Variants in TEX9 observed in about 807,000 individuals in gnomAD.
TEX9 encodes the protein testis expressed 9, also known as testis-expressed protein 9.
In TEX9, 74 loss-of-function variants were observed where a neutral mutation model predicts 59.6. The ratio of observed to expected loss-of-function variants is 1.24; its 90% CI spans 1.03 to 1.51. The LOEUF is 1.51. TEX9 is among the 40% of genes most tolerant of loss of function. The pLI is 0.00. For synonymous variants in TEX9, 186 were observed against 152.2 expected, an observed-to-expected ratio of 1.22 and a Z score of -1.64; for missense variants, 522 against 447.8, an observed-to-expected ratio of 1.17 and a Z score of -1.49.
intron 1 of TEX9, among the ~76,000 whole-genome samples, chr15:56,341,510 A>G (rs190812119): frequency 6.6e-6 from 1 of 152,250 alleles, no homozygotes; most frequent in African/African-American, 2.4e-5. Context: ...CCCCATACCT[A>G]ATACTGATGT....
intron 10 of TEX9, among the ~76,000 whole-genome samples, chr15:56,425,805 C>T (rs1343748272): frequency 6.6e-5 from 10 of 151,966 alleles, no homozygotes; most frequent in East Asian, 5.8e-4. Flanking sequence ...CATTGAAAAA[C>T]GGGTGTTTGA....
intron 12 of TEX9, chr15:56,444,616 CCTTT>C (rs749434250): frequency 4.3e-6 from 7 of 1,613,084 alleles, no homozygotes; most frequent in Non-Finnish European, 5.1e-6. Flanking sequence ...GCATTCTCTT[CCTTT>C]ATTATTCTCT....
intron 12 of TEX9, among the ~76,000 whole-genome samples, chr15:56,440,536 T>C (rs1159437453): frequency 1.3e-5 from 2 of 152,148 alleles, no homozygotes; most frequent in African/African-American, 4.8e-5. Context: ...TCAGATTTAC[T>C]CATCAGAGCT....
At chr15:56,257,935 A>G (rs2044180284) in intron 1 of TEX9, among the ~76,000 whole-genome samples, 1 of 152,118 alleles carries the variant, frequency 6.6e-6, no homozygotes, top group Non-Finnish European at 1.5e-5. Context: ...TTTACATTGA[A>G]GTCTTTAATC....
rs796459070 is a variant in TEX9, at chr15:56,272,914, CTTTA to C, written c.-107+28660_-107+28663del. The stretch of plus-strand genomic sequence containing the variant: ...GTCTGCTCTTGAATTGGTGGGGGTT[CTTTA>C]TTTATTTATTTATTTATTTATTTTT... On this transcript the variant is annotated intron_variant, in intron 1 of 5. Transcript: ENST00000560827. Among the ~76,000 whole-genome samples, 688 of 110,034 alleles carry C rather than the reference CTTTA, an allele frequency of 6.3e-3. 12 individuals are homozygous for C. The highest frequency in any genetic ancestry group is 0.018 in the African/African-American group (671 of 36,766). The allele number at this position is 110,034 out of a possible 152,430, so 72.2% of individuals were successfully genotyped here.
At chr15:56,438,883 A>G (rs1205600800) in intron 12 of TEX9, among the ~76,000 whole-genome samples, 1 of 151,972 alleles carries the variant, frequency 6.6e-6, no homozygotes, top group Non-Finnish European at 1.5e-5. Flanking sequence ...AACAGACAAG[A>G]ACAGGAAAGG....
intron 3 of TEX9, among the ~76,000 whole-genome samples, chr15:56,378,936 C>T (rs923454110): frequency 2.0e-5 from 3 of 151,614 alleles, no homozygotes; most frequent in Non-Finnish European, 4.4e-5. Context: ...TGGTGGTGCA[C>T]GCCTGTAGTC....
chr15:56,260,323 G>A (rs73411535), intron 1 of TEX9, among the ~76,000 whole-genome samples: 5,408 of 152,024 alleles, frequency 0.036, 346 homozygotes, highest in African/African-American at 0.12. Context: ...CAGGAAGAAA[G>A]CATTCCATAT....
At chr15:56,359,555 C>G (rs1213822412) in intron 1 of TEX9, among the ~76,000 whole-genome samples, 1 of 152,068 alleles carries the variant, frequency 6.6e-6, no homozygotes, top group African/African-American at 2.4e-5. Flanking sequence ...CTTTTTAAGG[C>G]TGAATATTAT....
chr15:56,410,049 G>A (rs1397189624), intron 9 of TEX9: 2 of 152,146 alleles, frequency 1.3e-5, no homozygotes, highest in Admixed American at 6.5e-5. Flanking sequence ...ATATAGAATA[G>A]TATCCTGCAT....
chr15:56,342,362 T>C (rs1459990369), intron 1 of TEX9, among the ~76,000 whole-genome samples: 1 of 152,144 alleles, frequency 6.6e-6, no homozygotes, highest in Non-Finnish European at 1.5e-5. Context: ...TCTACTCAGT[T>C]TTTGAAAATT....
chr15:56,428,320 C>A lies in TEX9; in HGVS notation c.1099-47C>A, dbSNP rs553653576. ...TTACAAACTTCCTGTTGTTTGGTGG[C>A]CTACTCTTAATACTAAATCAGACAA... is the stretch of plus-strand genomic sequence containing the variant. On this transcript the variant is annotated intron_variant, in intron 11 of 12. Coordinates refer to ENST00000352903, the Ensembl canonical transcript of TEX9. 3.6e-6 allele frequency: 5 copies of A among 1,389,126 alleles called. No individual in the cohort carries two copies. In the African/African-American group the frequency reaches 5.7e-5, roughly 16 times the overall value. 86.1% of individuals were successfully genotyped at this position (1,389,126 alleles called of 1,614,324 possible). A position where few individuals can be genotyped will look rare whatever the true frequency, so the allele number is the denominator to read the frequency against.
intron 1 of TEX9, among the ~76,000 whole-genome samples, chr15:56,270,873 T>A (rs1288658555): frequency 6.6e-6 from 1 of 152,216 alleles, no homozygotes; most frequent in Admixed American, 6.5e-5. Context: ...GTAAAGGATT[T>A]TATTTCTCCT....
Position 56,373,514 on chromosome 15 carries a change from T to C in TEX9, c.183+10T>C. 1 of 1,533,602 alleles carries C rather than the reference T, an allele frequency of 6.5e-7. No individual in the cohort carries two copies. The allele number at this position is 1,533,602 out of a possible 1,614,324, so 95.0% of individuals were successfully genotyped here. A position where few individuals can be genotyped will look rare whatever the true frequency, so the allele number is the denominator to read the frequency against. On this transcript the variant is annotated intron_variant, in intron 3 of 12. Coordinates refer to ENST00000352903, the Ensembl canonical transcript of TEX9. ...AGCTAAGGAAATAATAGTAAGTATA[T>C]GTACAATTATTAATAATTCTATATA... is the stretch of plus-strand genomic sequence containing the variant.
intron 1 of TEX9, among the ~76,000 whole-genome samples, chr15:56,273,534 T>C (rs937419028): frequency 4.6e-5 from 7 of 152,220 alleles, no homozygotes; most frequent in African/African-American, 1.7e-4. Flanking sequence ...GGCTATCTTT[T>C]AGAGCAATTA....
At chr15:56,278,530 T>C (rs1567071369) in intron 1 of TEX9, among the ~76,000 whole-genome samples, 2 of 152,244 alleles carry the variant, frequency 1.3e-5, no homozygotes, top group African/African-American at 2.4e-5. Context: ...ATTTCTTTCC[T>C]TGGGAAATTT....
chr15:56,290,176 A>G (rs1464561311), intron 1 of TEX9, among the ~76,000 whole-genome samples: 1 of 151,826 alleles, frequency 6.6e-6, no homozygotes, highest in Non-Finnish European at 1.5e-5. Context: ...TTTTTTTCCA[A>G]TGTAGTTCAA....
intron 10 of TEX9, among the ~76,000 whole-genome samples, chr15:56,426,632 C>T (rs1232566538): frequency 5.9e-4 from 39 of 66,484 alleles, no homozygotes; most frequent in Non-Finnish European, 1.2e-3. Context: ...TATATACACA[C>T]ACACAAACAC....
chr15:56,277,360 A>G (rs1000886894), intron 1 of TEX9, among the ~76,000 whole-genome samples: 2 of 152,182 alleles, frequency 1.3e-5, no homozygotes, highest in Non-Finnish European at 2.9e-5. Context: ...TTAAGGTTTA[A>G]GGAAGGGGTC....
Sources: gnomAD v4.1 joint callset for allele counts (sites outside exome capture counted in the v4.1 genomes callset) on GRCh38, gnomAD v4.1.1 for gene constraint, MANE v1.5 for transcripts, NCBI Gene and HGNC (gene_info 2026-07-23, HGNC 2026-07-21) for gene names.